The following MACROD1 variants were observed in gnomAD, a reference collection of about 807,000 sequenced individuals.
The protein encoded by MACROD1 is ADP-ribose glycohydrolase MACROD1.
In MACROD1, 31 loss-of-function variants were observed where a neutral mutation model predicts 41.4. The ratio of observed to expected loss-of-function variants is 0.75; its 90% CI spans 0.56 to 1.01. The LOEUF (loss-of-function observed/expected upper bound fraction) is 1.01, where lower values mean the gene tolerates loss of function less well. MACROD1 is among the 50% of genes least tolerant of loss of function. The pLI, the probability that MACROD1 is intolerant of heterozygous loss-of-function variation, is 0.00. For synonymous variants in MACROD1, 252 were observed against 203.4 expected (o/e 1.24, Z -2.03); for missense variants, 473 against 460.0 (o/e 1.03, Z -0.26).
intron 3 of MACROD1, among the ~76,000 whole-genome samples, chr11:64,044,598 G>A (rs1833506591): frequency 6.6e-6 from 1 of 152,174 alleles, no homozygotes; most frequent in South Asian, 2.1e-4. Context: ...GGGGTAAACT[G>A]AGGCACTGAG....
intron 3 of MACROD1, among the ~76,000 whole-genome samples, chr11:64,102,307 C>G (rs755917675): frequency 6.6e-6 from 1 of 152,200 alleles, no homozygotes; most frequent in Non-Finnish European, 1.5e-5. Context: ...TCCAGAACAG[C>G]CTGCCCTGCC....
intron 3 of MACROD1, among the ~76,000 whole-genome samples, chr11:64,058,082 C>A (rs553487452): frequency 3.9e-5 from 6 of 152,348 alleles, no homozygotes; most frequent in African/African-American, 1.4e-4. Context: ...GGAACAATTG[C>A]GAACCCATTA....
At chr11:64,119,366 G>C (rs923249882) in intron 3 of MACROD1, among the ~76,000 whole-genome samples, 1 of 152,126 alleles carries the variant, frequency 6.6e-6, no homozygotes, top group African/African-American at 2.4e-5. Flanking sequence ...CCAGCACTGG[G>C]CTGCTCTCCT....
At chr11:64,123,003 G>A (rs1945122986) in intron 3 of MACROD1, among the ~76,000 whole-genome samples, 1 of 152,240 alleles carries the variant, frequency 6.6e-6, no homozygotes, top group Non-Finnish European at 1.5e-5. Context: ...GAACGTGCCA[G>A]AGAGGAGGCT....
intron 3 of MACROD1, among the ~76,000 whole-genome samples, chr11:64,092,237 T>C (rs552880715): frequency 6.6e-6 from 1 of 152,338 alleles, no homozygotes; most frequent in East Asian, 1.9e-4. Flanking sequence ...GTTCTTGTCT[T>C]TCTGTCTGCC....
intron 1 of MACROD1, among the ~76,000 whole-genome samples, chr11:64,162,609 T>C (rs1945772692): frequency 6.7e-6 from 1 of 150,256 alleles, no homozygotes; most frequent in Non-Finnish European, 1.5e-5. Flanking sequence ...GGTCAGGAGA[T>C]TGAGACCATC....
chr11:64,150,559 C>T lies in MACROD1; in HGVS notation c.517+680G>A, dbSNP rs541958605. Among the ~76,000 whole-genome samples the T allele has an allele frequency of 5.9e-5, 9 of 152,350 alleles. No homozygotes were observed. In the South Asian group the frequency reaches 1.9e-3, roughly 32 times the overall value. Reference sequence around the variant, plus strand: ...GGGCCGGGGTTCAGCCGCCACTCAACCTGTTCCACAAGCCACCTGCTCGAC... The same window carrying T: ...GGGCCGGGGTTCAGCCGCCACTCAATCTGTTCCACAAGCCACCTGCTCGAC... On this transcript the variant is annotated intron_variant, in intron 3 of 10. Transcript: ENST00000255681.
chr11:64,059,899 A>G (rs1188100883), intron 3 of MACROD1, among the ~76,000 whole-genome samples: 2 of 151,622 alleles, frequency 1.3e-5, no homozygotes. Flanking sequence ...CGAGGAGGCG[A>G]GGCGAGGCTG....
intron 3 of MACROD1, among the ~76,000 whole-genome samples, chr11:64,145,205 C>T (rs1945477695): frequency 6.6e-6 from 1 of 152,188 alleles, no homozygotes; most frequent in Non-Finnish European, 1.5e-5. Context: ...GCTTAAAAAT[C>T]TCCCTGCGAG....
chr11:64,015,121 G>A (rs1943062568), intron 4 of MACROD1, 131 bp downstream of exon 4: 2 of 991,050 alleles, frequency 2.0e-6, no homozygotes, highest in East Asian at 6.3e-5. Flanking sequence ...GGGGAAGGGA[G>A]GCACCCTGTG....
At chr11:64,061,071 C>G (rs937596448) in intron 3 of MACROD1, among the ~76,000 whole-genome samples, 1 of 152,150 alleles carries the variant, frequency 6.6e-6, no homozygotes, top group Non-Finnish European at 1.5e-5. Flanking sequence ...GGCGTCCCCC[C>G]CACTCCCAAC....
intron 3 of MACROD1, 136 bp downstream of exon 3, chr11:64,151,103 T>C: frequency 5.7e-6 from 4 of 700,386 alleles, no homozygotes; most frequent in South Asian, 1.7e-5. Flanking sequence ...TGGGCTGCCA[T>C]GGCGCCAGCA....
At chr11:64,116,581 A>G in intron 3 of MACROD1, 1 of 1,614,104 alleles carries the variant, frequency 6.2e-7, no homozygotes, top group African/African-American at 1.3e-5. Flanking sequence ...CTCAAGACCA[A>G]GGTCAACGTG....
At chr11:63,998,901 C>T (rs1267722284) in intron 9 of MACROD1, 29 bp from the exon 10 acceptor site, 3 of 1,593,520 alleles carry the variant, frequency 1.9e-6, no homozygotes, top group East Asian at 2.3e-5. Flanking sequence ...TGAGAGCCCG[C>T]CCCCAGGGTG....
intron 3 of MACROD1, among the ~76,000 whole-genome samples, chr11:64,079,064 G>A (rs1282832657): frequency 2.0e-5 from 3 of 152,084 alleles, no homozygotes; most frequent in Admixed American, 6.5e-5. Context: ...CGGACAGACC[G>A]GGGGCGGTGG....
In MACROD1 at chr11:64,117,899, C is replaced by A. The variant is rs142685980; in HGVS notation, c.517+33340G>T. ...CCACCACACTCAACCAGGAGCAGAACGCTGGCCCCATGGCGAGCCTGCCCC... is the reference window on the plus strand; with the variant it reads ...CCACCACACTCAACCAGGAGCAGAAAGCTGGCCCCATGGCGAGCCTGCCCC... On this transcript the variant is annotated intron_variant, in intron 3 of 10. Coordinates refer to ENST00000255681, the MANE Select transcript of MACROD1 (RefSeq NM_014067.4). The A allele has an allele frequency of 5.0e-6, 8 of 1,613,780 alleles. No homozygotes were observed. The African/African-American group carries it at 1.1e-4, about 22-fold the overall frequency.
At chr11:64,040,154 C>T (rs1943457769) in intron 3 of MACROD1, among the ~76,000 whole-genome samples, 1 of 152,244 alleles carries the variant, frequency 6.6e-6, no homozygotes, top group South Asian at 2.1e-4. Context: ...AGGGCGCTTC[C>T]AGTCAGATGT....
intron 3 of MACROD1, among the ~76,000 whole-genome samples, chr11:64,098,980 C>T (rs966795003): frequency 5.9e-5 from 9 of 152,188 alleles, no homozygotes; most frequent in African/African-American, 1.9e-4. Context: ...CAGAGAGCTC[C>T]GATCTTTAAG....
At chr11:64,148,908 G>C in intron 3 of MACROD1, 1 of 985,444 alleles carries the variant, frequency 1.0e-6, no homozygotes. Context: ...TTGAACGCTG[G>C]GGTTCCACAA....
Sources: allele counts gnomAD v4.1 joint callset (sites outside exome capture counted in the v4.1 genomes callset), GRCh38; gene constraint gnomAD v4.1.1; transcripts MANE v1.5; gene names NCBI Gene and HGNC (gene_info 2026-07-23, HGNC 2026-07-21).